The following DDX11 variants were observed in gnomAD, a reference collection of about 807,000 sequenced individuals.
The protein encoded by DDX11 is ATP-dependent DNA helicase DDX11.
A neutral mutation model predicts 125.2 loss-of-function variants in DDX11; 72 were observed. That is an observed-to-expected ratio of 0.58 (90% confidence interval 0.48 to 0.70). The LOEUF is 0.70. Ranked by LOEUF, DDX11 falls within the 30% of genes least tolerant of loss-of-function variation. DDX11 has a pLI of 0.00. For synonymous variants in DDX11, 347 were observed against 452.6 expected, an observed-to-expected ratio of 0.77 and a Z score of 2.96; for missense variants, 883 against 1,165.0, an observed-to-expected ratio of 0.76 and a Z score of 3.52.
intron 1 of DDX11, among the ~76,000 whole-genome samples, chr12:31,076,551 C>G (rs4931427): frequency 0.53 from 80,890 of 152,010 alleles, 22,643 homozygotes; most frequent in East Asian, 0.82. Flanking sequence ...CCTGGTTTTC[C>G]ACTTTTTAGC....
intron 5 of DDX11, chr12:31,087,603 C>T (rs920165776): frequency 7.4e-5 from 30 of 403,594 alleles, no homozygotes; most frequent in Admixed American, 6.1e-4. Flanking sequence ...AGCAAATATC[C>T]GCCCTGGGGC....
intron 2 of DDX11, 141 bp downstream of exon 2, chr12:31,078,678 T>A: frequency 2.5e-6 from 3 of 1,196,446 alleles, no homozygotes; most frequent in South Asian, 1.5e-5. Flanking sequence ...AGTCACTTCC[T>A]CTATTAAAGT....
chr12:31,076,472 T>A (rs528974935), intron 1 of DDX11, among the ~76,000 whole-genome samples: 3 of 105,494 alleles, frequency 2.8e-5, no homozygotes, highest in African/African-American at 4.4e-5. Flanking sequence ...TCCCTTCACT[T>A]ATGCTGGATA....
intron 2 of DDX11, 65 bp downstream of exon 2, chr12:31,078,602 G>A: frequency 6.2e-7 from 1 of 1,607,888 alleles, no homozygotes; most frequent in Middle Eastern, 2.3e-4. Context: ...AGCTTTTCCT[G>A]TTTGCCTATC....
At position 31,083,729 on chromosome 12, in the gene DDX11, T is replaced by G. The variant is rs1942474774; in HGVS notation, c.145-84T>G. ...TCTCCTATGTACAGCCAGACCTTCT[T>G]TCAAGCTTTTATTAAAATGGGGAAA... On this transcript the variant is annotated intron_variant, in intron 2 of 26. Transcript: ENST00000542838. 5 of 1,516,880 alleles carry G rather than the reference T, an allele frequency of 3.3e-6. No individual in the cohort carries two copies. In the South Asian group the frequency reaches 5.7e-5, roughly 17 times the overall value. 94.0% of individuals were successfully genotyped at this position (1,516,880 alleles called of 1,614,324 possible). A position where few individuals can be genotyped will look rare whatever the true frequency, so the allele number is the denominator to read the frequency against.
chr12:31,077,200 G>A (rs1940849027), intron 1 of DDX11, among the ~76,000 whole-genome samples: 2 of 151,974 alleles, frequency 1.3e-5, no homozygotes, highest in African/African-American at 2.4e-5. Context: ...AGAGAGGTGT[G>A]GGAACCAGGA....
chr12:31,099,072 C>A (rs370009614), intron 18 of DDX11, among the ~76,000 whole-genome samples: 1 of 101,644 alleles, frequency 9.8e-6, no homozygotes, highest in Non-Finnish European at 1.9e-5. Context: ...ACTGGTATTT[C>A]TTTCTTTCTT....
intron 18 of DDX11, among the ~76,000 whole-genome samples, chr12:31,098,386 G>A (rs1319427037): frequency 4.6e-5 from 7 of 152,266 alleles, no homozygotes; most frequent in Admixed American, 2.6e-4. Flanking sequence ...ACAAAAGTAC[G>A]GCTCCCTCCA....
chr12:31,102,586 G>A lies in DDX11; in HGVS notation c.2372+59G>A. 2.0e-6 allele frequency: 3 copies of A among 1,522,722 alleles called. No homozygotes were observed. In the South Asian group the frequency reaches 3.4e-5, roughly 17 times the overall value. 94.3% of individuals were successfully genotyped at this position (1,522,722 alleles called of 1,614,324 possible). On this transcript the variant is annotated intron_variant, in intron 23 of 26. Coordinates refer to ENST00000542838, the MANE Select transcript of DDX11 (RefSeq NM_030653.4). Reference sequence around the variant, plus strand: ...GATACATGGCCGGCCCTCACTCCCAGCAGCTGGGCCCCTGCCTGCTCTCTG... The same window carrying A: ...GATACATGGCCGGCCCTCACTCCCAACAGCTGGGCCCCTGCCTGCTCTCTG...
At chr12:31,098,060 A>C in intron 18 of DDX11, 63 bp downstream of exon 18, 1 of 1,395,168 alleles carries the variant, frequency 7.2e-7, no homozygotes, top group Non-Finnish European at 1.0e-6. Flanking sequence ...GGCTTGGGAG[A>C]GATGCATTAT....
Position 31,102,946 on chromosome 12 carries a change from A to G in DDX11, c.2383A>G (p.Met795Val). Reference sequence around the variant, plus strand: ...GTCTCCCCCGCCCAGGTGTGTGGTGATGGTGGGCATGCCCTTCCCCAACAT... The same window carrying G: ...GTCTCCCCCGCCCAGGTGTGTGGTGGTGGTGGGCATGCCCTTCCCCAACAT... ...FSDNLGRCVV[M>V]VGMPFPNIRS... Residue 795 changes from methionine to valine, a missense_variant, in exon 24 of 27, where the codon ATG becomes GTG. By Grantham distance (21) the Met-to-Val change is conservative. Coordinates refer to ENST00000542838, the MANE Select transcript of DDX11 (RefSeq NM_030653.4). 6.2e-7 allele frequency: 1 copy of G among 1,613,884 alleles called. No homozygotes were observed. Among genetic ancestry groups the G allele is most frequent in the Non-Finnish European group, 8.5e-7 (1 of 1,179,838 alleles).
intron 20 of DDX11, 31 bp downstream of exon 20, chr12:31,101,161 C>T: frequency 6.3e-7 from 1 of 1,596,484 alleles, no homozygotes; most frequent in South Asian, 1.1e-5. Flanking sequence ...CGCACCACAG[C>T]CTGGCCTCAG....
chr12:31,098,336 G>T (rs187142544), intron 18 of DDX11, among the ~76,000 whole-genome samples: 71 of 152,362 alleles, frequency 4.7e-4, no homozygotes, highest in African/African-American at 1.6e-3. Flanking sequence ...AATAGTCTTT[G>T]TAGGCGTAAT....
rs988276666 is a variant in DDX11 at position 31,103,232 on chromosome 12, C to T, written c.2458-85C>T. 2.3e-5 allele frequency: 36 copies of T among 1,558,730 alleles called. No individual in the cohort carries two copies. In the Admixed American group the frequency reaches 5.9e-4, roughly 26 times the overall value. ...GGCATTGGCCACGAAGCCTCCTGGT[C>T]TGGCTCCAAAGCCTGGCAGGGTCTT... On this transcript the variant is annotated intron_variant, in intron 24 of 26. Transcript: ENST00000542838.
chr12:31,077,537 T>C (rs985251401), intron 1 of DDX11, among the ~76,000 whole-genome samples: 3 of 151,860 alleles, frequency 2.0e-5, no homozygotes, highest in African/African-American at 7.3e-5. Context: ...AGAAGCAAAC[T>C]AAAGATACTT....
Position 31,084,078 on chromosome 12 carries a change from C to G in DDX11, c.393+17C>G, listed in dbSNP as rs774754044. 13 of 1,613,616 alleles carry G rather than the reference C, an allele frequency of 8.1e-6. No homozygotes were observed. Among genetic ancestry groups the G allele is most frequent in the Non-Finnish European group, 1.0e-5 (12 of 1,179,752 alleles). ...CGACTAAAGGTGAGACCTGGGGTAT[C>G]CGGAAGTGGGAGTACTGGAGGAAAC... On this transcript the variant is annotated intron_variant, in intron 3 of 26. Coordinates refer to ENST00000542838, the MANE Select transcript of DDX11 (RefSeq NM_030653.4).
In DDX11 at chr12:31,087,928, A is replaced by T. The variant is rs7308754; in HGVS notation, c.639-10A>T. On this transcript the variant is annotated splice_polypyrimidine_tract_variant and intron_variant, in intron 5 of 26. Transcript: ENST00000542838. ...GGAAGACTGTTTTCTGTTCTCTCTC[A>T]CACACACAGAGTGGATGAGGATGAG... is the stretch of plus-strand genomic sequence containing the variant. 0.47 allele frequency: 731,836 copies of T among 1,565,086 alleles called. 172,150 individuals carry two copies. The highest frequency in any genetic ancestry group is 0.84 in the East Asian group (37,094 of 44,030).
chr12:31,093,474 G>A (rs1203571892), intron 12 of DDX11, 150 bp downstream of exon 12: 13 of 1,017,998 alleles, frequency 1.3e-5, no homozygotes, highest in Non-Finnish European at 1.6e-5. Context: ...CCAGCACTTG[G>A]GAGGCCGAGG....
intron 2 of DDX11, among the ~76,000 whole-genome samples, chr12:31,079,628 A>G (rs1478683047): frequency 6.7e-6 from 1 of 149,648 alleles, no homozygotes; most frequent in Admixed American, 6.7e-5. Flanking sequence ...TCTGTAGTAG[A>G]GTCACATGGC....
Sources: gnomAD v4.1 joint callset for allele counts (sites outside exome capture counted in the v4.1 genomes callset) on GRCh38, gnomAD v4.1.1 for gene constraint, MANE v1.5 for transcripts, NCBI Gene and HGNC (gene_info 2026-07-23, HGNC 2026-07-21) for gene names.